Variants in CDK19 observed in about 807,000 individuals in gnomAD.
The protein encoded by CDK19 is cyclin dependent kinase 19, also known as cyclin-dependent kinase 19.
CDK19 carries 20 observed loss-of-function variants against 68.3 expected under a neutral mutation model. That is an observed-to-expected ratio of 0.29 (90% CI 0.21 to 0.43). The LOEUF (loss-of-function observed/expected upper bound fraction) is 0.43, where lower values mean the gene tolerates loss of function less well. CDK19 is among the 20% of genes least tolerant of loss of function. The pLI is 1.00. For synonymous variants in CDK19, 221 were observed against 222.8 expected (o/e 0.99, Z 0.07); for missense variants, 339 against 623.5 (o/e 0.54, Z 4.86).
chr6:110,774,571 AT>A (rs1780263575), intron 1 of CDK19, among the ~76,000 whole-genome samples: 1 of 152,254 alleles, frequency 6.6e-6, no homozygotes, highest in Non-Finnish European at 1.5e-5. Context: ...GGAATTTTCC[AT>A]TTAATATTTT....
chr6:110,771,230 G>A (rs1485338532), intron 1 of CDK19, among the ~76,000 whole-genome samples: 5 of 152,144 alleles, frequency 3.3e-5, no homozygotes, highest in Admixed American at 1.3e-4. Flanking sequence ...TGAGGGCCTC[G>A]CCCCTGCAGC....
At chr6:110,780,360 A>G (rs1244172573) in intron 1 of CDK19, among the ~76,000 whole-genome samples, 1 of 149,478 alleles carries the variant, frequency 6.7e-6, no homozygotes, top group African/African-American at 2.5e-5. Flanking sequence ...ACTGCACTCC[A>G]GCCTGATGAC....
At chr6:110,733,665 CAGTTT>C (rs1223808738) in intron 2 of CDK19, among the ~76,000 whole-genome samples, 4 of 151,726 alleles carry the variant, frequency 2.6e-5, no homozygotes, top group African/African-American at 9.7e-5. Flanking sequence ...AAATCTAGTT[CAGTTT>C]AATTATTAAA....
chr6:110,767,214 T>C (rs1376471330), intron 1 of CDK19, among the ~76,000 whole-genome samples: 1 of 149,456 alleles, frequency 6.7e-6, no homozygotes, highest in Non-Finnish European at 1.5e-5. Context: ...TTACCAGAGG[T>C]TGGGAAGGGC....
At chr6:110,637,548 G>A (rs144863143) in intron 5 of CDK19, among the ~76,000 whole-genome samples, 1 of 152,334 alleles carries the variant, frequency 6.6e-6, no homozygotes, top group African/African-American at 2.4e-5. Context: ...GCATGAATTT[G>A]TAGTGGGTCA....
chr6:110,653,735 T>C (rs549734233), intron 4 of CDK19, among the ~76,000 whole-genome samples: 25 of 152,360 alleles, frequency 1.6e-4, no homozygotes, highest in Admixed American at 1.2e-3. Flanking sequence ...ACTCAGAAGC[T>C]ACTCCTGAAA....
At chr6:110,618,062 T>C (rs564812606) in intron 12 of CDK19, among the ~76,000 whole-genome samples, 1 of 152,140 alleles carries the variant, frequency 6.6e-6, no homozygotes, top group South Asian at 2.1e-4. Context: ...TCCAGGAATT[T>C]TCATGAATAT....
intron 2 of CDK19, among the ~76,000 whole-genome samples, chr6:110,732,786 C>T (rs1473579628): frequency 6.6e-6 from 1 of 151,986 alleles, no homozygotes; most frequent in Non-Finnish European, 1.5e-5. Context: ...ACATTTTGTC[C>T]AGGAAGGGTG....
At chr6:110,637,331 G>C (rs1043296838) in intron 5 of CDK19, among the ~76,000 whole-genome samples, 1 of 152,202 alleles carries the variant, frequency 6.6e-6, no homozygotes, top group Non-Finnish European at 1.5e-5. Context: ...AATTATGGTG[G>C]AAGTGGGGGA....
intron 2 of CDK19, among the ~76,000 whole-genome samples, chr6:110,722,866 C>CAA (rs879415966): frequency 7.0e-6 from 1 of 142,408 alleles, no homozygotes; most frequent in Non-Finnish European, 1.5e-5. Context: ...GACCCTATCT[C>CAA]AAAAAAAAAA....
intron 1 of CDK19, among the ~76,000 whole-genome samples, chr6:110,751,443 C>G (rs945731266): frequency 5.3e-5 from 8 of 152,076 alleles, no homozygotes; most frequent in African/African-American, 1.9e-4. Flanking sequence ...TCACTGTCTC[C>G]CATCACCCCC....
chr6:110,756,602 T>C (rs1324928075), intron 1 of CDK19, among the ~76,000 whole-genome samples: 2 of 152,026 alleles, frequency 1.3e-5, no homozygotes, highest in Admixed American at 1.3e-4. Context: ...TTAGGTACAT[T>C]GTAGGCATTC....
At chr6:110,786,280 T>C (rs1562287551) in intron 1 of CDK19, among the ~76,000 whole-genome samples, 1 of 152,198 alleles carries the variant, frequency 6.6e-6, no homozygotes, top group Non-Finnish European at 1.5e-5. Flanking sequence ...CATCAAGTCA[T>C]TTATTAATTC....
chr6:110,615,077 C>T (rs1778227782), intron 12 of CDK19, among the ~76,000 whole-genome samples: 2 of 151,968 alleles, frequency 1.3e-5, no homozygotes, highest in Admixed American at 6.6e-5. Flanking sequence ...ATTATTTTTC[C>T]CATTATAAAT....
At position 110,620,765 on chromosome 6, in the gene CDK19, A is replaced by ACT. The variant is rs1448348612; in HGVS notation, c.1377+337_1377+338dup. Among the ~76,000 whole-genome samples, 5 of 151,782 alleles carry ACT rather than the reference A, an allele frequency of 3.3e-5. No homozygotes were observed. In the East Asian group the frequency reaches 9.7e-4, roughly 29 times the overall value. Reference sequence around the variant, plus strand: ...TTAATTTTGTCCAAAGTAAGACACCACTCCCCTTCCCTTTTCAACTGCGTA... The same window carrying ACT: ...TTAATTTTGTCCAAAGTAAGACACCACTCTCCCCTTCCCTTTTCAACTGCGTA... On this transcript the variant is annotated intron_variant, in intron 12 of 12. Coordinates refer to ENST00000368911, the MANE Select transcript of CDK19 (RefSeq NM_015076.5).
chr6:110,672,704 T>C (rs192673355), intron 2 of CDK19, among the ~76,000 whole-genome samples: 122 of 152,348 alleles, frequency 8.0e-4, no homozygotes, highest in African/African-American at 2.9e-3. Flanking sequence ...ATACACACTG[T>C]TCTGCACTTT....
chr6:110,644,619 A>G lies in CDK19; in HGVS notation c.457-5913T>C, dbSNP rs1305454421. ...TTGCATGCCTTTATCAAAATATCTC[A>G]TGTAACCCATAAATATACACATCTA... is the stretch of plus-strand genomic sequence containing the variant. On this transcript the variant is annotated intron_variant, in intron 4 of 12. Transcript: ENST00000368911. 2.0e-5 allele frequency among the ~76,000 whole-genome samples: 3 copies of G among 152,290 alleles called. No homozygotes were observed. In the East Asian group the frequency reaches 5.8e-4, roughly 29 times the overall value.
At chr6:110,808,603 A>G (rs537311453) in intron 1 of CDK19, among the ~76,000 whole-genome samples, 1 of 152,326 alleles carries the variant, frequency 6.6e-6, no homozygotes, top group African/African-American at 2.4e-5. Flanking sequence ...GAACACATTA[A>G]TTTCCCTTAG....
intron 4 of CDK19, among the ~76,000 whole-genome samples, chr6:110,650,002 T>C (rs905499044): frequency 2.0e-5 from 3 of 152,182 alleles, no homozygotes; most frequent in Non-Finnish European, 2.9e-5. Context: ...ATTACAATTT[T>C]TTAAAAAAAT....
Sources: gnomAD v4.1 joint callset for allele counts (sites outside exome capture counted in the v4.1 genomes callset) on GRCh38, gnomAD v4.1.1 for gene constraint, MANE v1.5 for transcripts, NCBI Gene and HGNC (gene_info 2026-07-23, HGNC 2026-07-21) for gene names.